Variants in PCDHA2 observed in about 807,000 individuals in gnomAD.
PCDHA2 encodes protocadherin alpha 2.
Under a neutral mutation model 66.0 loss-of-function variants are expected in PCDHA2, and 58 were observed. That is an observed-to-expected ratio of 0.88 (90% CI 0.71 to 1.09). PCDHA2 has a LOEUF of 1.09. Ranked by LOEUF, PCDHA2 falls within the 50% of genes least tolerant of loss-of-function variation. The pLI is 0.00. For missense variants in PCDHA2, 1,267 were observed against 1,242.3 expected, an observed-to-expected ratio of 1.02 and a Z score of -0.30; for synonymous variants, 634 against 554.0, an observed-to-expected ratio of 1.14 and a Z score of -2.03.
chr5:140,823,644 G>A, intron 1 of PCDHA2: 3 of 1,613,948 alleles, frequency 1.9e-6, no homozygotes, highest in Non-Finnish European at 2.5e-6. Flanking sequence ...CGTTCCGCGT[G>A]GGGCTGTACA....
chr5:140,860,295 G>C (rs1358884678), intron 1 of PCDHA2: 2 of 151,884 alleles, frequency 1.3e-5, no homozygotes, highest in Non-Finnish European at 2.9e-5. Context: ...GTGGGAGGAC[G>C]GCTTGAGCCT....
chr5:140,824,952 A>T (rs1480130328), intron 1 of PCDHA2: 2 of 152,172 alleles, frequency 1.3e-5, no homozygotes, highest in Non-Finnish European at 2.9e-5. Flanking sequence ...TTTAAAAATT[A>T]TATTTTTCAT....
At chr5:140,882,344 A>T in intron 1 of PCDHA2, 2 of 1,614,084 alleles carry the variant, frequency 1.2e-6, no homozygotes, top group Admixed American at 3.3e-5. Flanking sequence ...AGCCTGGGAG[A>T]CGGGTAGTGG....
chr5:140,858,944 T>TA (rs2045667793), intron 1 of PCDHA2: 1 of 159,332 alleles, frequency 6.3e-6, no homozygotes, highest in Admixed American at 6.4e-5. Context: ...TGTTCAGTGA[T>TA]TACAGCTTTT....
At chr5:140,870,925 T>A (rs1554164841) in intron 1 of PCDHA2, 1 of 1,613,916 alleles carries the variant, frequency 6.2e-7, no homozygotes, top group South Asian at 1.1e-5. Flanking sequence ...GTGGCTTTCA[T>A]ATGAATTGCA....
intron 2 of PCDHA2, among the ~76,000 whole-genome samples, chr5:140,982,130 G>A (rs1298475758): frequency 6.6e-6 from 1 of 152,228 alleles, no homozygotes; most frequent in African/African-American, 2.4e-5. Context: ...TTGAGAACAA[G>A]CCCTCCTCAT....
At chr5:140,989,970 A>C (rs2097368842) in intron 3 of PCDHA2, among the ~76,000 whole-genome samples, 1 of 152,136 alleles carries the variant, frequency 6.6e-6, no homozygotes, top group Non-Finnish European at 1.5e-5. Flanking sequence ...GAGCTTCCTC[A>C]GCAACAGCCC....
At chr5:140,833,830 T>C (rs186184470) in intron 1 of PCDHA2, among the ~76,000 whole-genome samples, 1 of 152,148 alleles carries the variant, frequency 6.6e-6, no homozygotes, top group East Asian at 1.9e-4. Context: ...CCTAAAAGAG[T>C]ACAGGATTTT....
intron 1 of PCDHA2, chr5:140,804,915 C>T: frequency 1.1e-6 from 1 of 923,182 alleles, no homozygotes; most frequent in East Asian, 3.0e-5. Context: ...TTCTTTATTT[C>T]CTTTTTTGGC....
intron 1 of PCDHA2, chr5:140,871,160 C>G (rs1554165222): frequency 1.2e-6 from 2 of 1,613,470 alleles, no homozygotes; most frequent in South Asian, 1.1e-5. Flanking sequence ...GCGGGCGCCG[C>G]GAGCCCAGAG....
At chr5:140,977,104 A>C (rs2096746104) in intron 1 of PCDHA2, among the ~76,000 whole-genome samples, 1 of 152,242 alleles carries the variant, frequency 6.6e-6, no homozygotes, top group Admixed American at 6.5e-5. Flanking sequence ...TGGGGAAGTG[A>C]GATTGTATAA....
rs1588262423 is a variant in PCDHA2 at position 141,011,885 on chromosome 5, T to C, written c.*1948T>C. 1 of 153,482 alleles carries C rather than the reference T, an allele frequency of 6.5e-6. No homozygotes were observed. The highest frequency in any genetic ancestry group is 1.9e-4 in the East Asian group (1 of 5,202). 9.5% of individuals were successfully genotyped at this position (153,482 alleles called of 1,614,324 possible). ...ATAATGTACAATTTAGAAGTTTGATTAATTATATTATCTATTTAGGCATTA... is the reference window on the plus strand; with the variant it reads ...ATAATGTACAATTTAGAAGTTTGATCAATTATATTATCTATTTAGGCATTA... On this transcript the variant is annotated 3_prime_UTR_variant, in exon 4 of 4. Transcript: ENST00000526136.
intron 1 of PCDHA2, chr5:140,867,389 A>T (rs906088628): frequency 6.6e-5 from 10 of 152,166 alleles, no homozygotes; most frequent in Non-Finnish European, 1.2e-4. Context: ...TAACGGTTAT[A>T]AAAGTTGATA....
intron 1 of PCDHA2, chr5:140,855,987 T>A: frequency 1.4e-6 from 2 of 1,480,818 alleles, no homozygotes; most frequent in Non-Finnish European, 1.8e-6. Flanking sequence ...ACAGAAAATG[T>A]CAGATCGTAT....
At chr5:141,007,749 T>C (rs2098343750) in intron 3 of PCDHA2, among the ~76,000 whole-genome samples, 2 of 152,334 alleles carry the variant, frequency 1.3e-5, no homozygotes, top group South Asian at 4.1e-4. Flanking sequence ...AAGATAACTT[T>C]GGACTCTTAT....
At chr5:140,804,897 C>T (rs1465948706) in intron 1 of PCDHA2, 2 of 750,670 alleles carry the variant, frequency 2.7e-6, no homozygotes, top group African/African-American at 3.6e-5. Flanking sequence ...CTTCCCCTCA[C>T]TTCCATTTTC....
At chr5:140,868,885 TA>T in intron 1 of PCDHA2, 1 of 733,950 alleles carries the variant, frequency 1.4e-6, no homozygotes, top group East Asian at 2.8e-5. Flanking sequence ...CTCACAGTTT[TA>T]GGCGCAAGGT....
intron 1 of PCDHA2, among the ~76,000 whole-genome samples, chr5:140,838,065 TTA>T (rs144773480): frequency 0.038 from 4,279 of 113,132 alleles, 207 homozygotes; most frequent in Non-Finnish European, 0.046. Context: ...CCACTTTAAG[TTA>T]TATATATATA....
chr5:140,855,994 G>A (rs941733432), intron 1 of PCDHA2: 1 of 1,498,182 alleles, frequency 6.7e-7, no homozygotes, highest in Non-Finnish European at 9.0e-7. Flanking sequence ...ATGTCAGATC[G>A]TATGTGCGTT....
Sources: gnomAD v4.1 joint callset for allele counts (sites outside exome capture counted in the v4.1 genomes callset) on GRCh38, gnomAD v4.1.1 for gene constraint, MANE v1.5 for transcripts, NCBI Gene and HGNC (gene_info 2026-07-23, HGNC 2026-07-21) for gene names.